Variants in ACTL6A observed in about 807,000 individuals in gnomAD.
ACTL6A encodes the protein actin like 6A.
In ACTL6A, 5 loss-of-function variants were observed where a neutral mutation model predicts 59.2. The ratio of observed to expected loss-of-function variants is 0.08; its 90% CI spans 0.04 to 0.18. The LOEUF (loss-of-function observed/expected upper bound fraction) is 0.18. ACTL6A is among the 10% of genes least tolerant of loss of function. ACTL6A has a pLI of 1.00. For missense variants in ACTL6A, 285 were observed against 526.9 expected, an observed-to-expected ratio of 0.54 and a Z score of 4.49; for synonymous variants, 154 against 171.8, an observed-to-expected ratio of 0.90 and a Z score of 0.81.
At chr3:179,572,891 C>T (rs1429547551) in intron 3 of ACTL6A, among the ~76,000 whole-genome samples, 1 of 151,914 alleles carries the variant, frequency 6.6e-6, no homozygotes, top group Non-Finnish European at 1.5e-5. Flanking sequence ...AAGACAGATG[C>T]TCTTCTTTGA....
At chr3:179,581,043 T>C (rs746735466) in intron 10 of ACTL6A, 35 bp downstream of exon 10, 6 of 1,594,740 alleles carry the variant, frequency 3.8e-6, no homozygotes, top group Non-Finnish European at 5.1e-6. Context: ...GCCTGGCTTT[T>C]CCTATATAGG....
intron 1 of ACTL6A, among the ~76,000 whole-genome samples, chr3:179,567,472 C>T (rs4284980): frequency 6.6e-6 from 1 of 152,026 alleles, no homozygotes; most frequent in African/African-American, 2.4e-5. Flanking sequence ...AATTTTAGGG[C>T]GACACAATTC....
At chr3:179,587,105 A>T (rs1718518943) in intron 13 of ACTL6A, among the ~76,000 whole-genome samples, 1 of 152,106 alleles carries the variant, frequency 6.6e-6, no homozygotes, top group South Asian at 2.1e-4. Flanking sequence ...AAGGACAAAA[A>T]GTCCTTGTAC....
chr3:179,570,382 C>G lies in ACTL6A; in HGVS notation c.277+141C>G. The G allele has an allele frequency of 1.4e-6, 1 of 733,790 alleles. No individual in the cohort carries two copies. Among genetic ancestry groups the G allele is most frequent in the Non-Finnish European group, 2.1e-6 (1 of 475,778 alleles). 45.5% of individuals were successfully genotyped at this position (733,790 alleles called of 1,614,324 possible). On this transcript the variant is annotated intron_variant, in intron 3 of 13. Transcript: ENST00000429709. The surrounding 1 kb of genome is among the most constrained non-coding windows in gnomAD (Gnocchi z 4.3). ...TTTATTCCACAAACTGATTTCCAGA[C>G]ACTGAGAATACAAAGATGCATAAGA...
chr3:179,584,562 A>G (rs1718427345), intron 12 of ACTL6A, among the ~76,000 whole-genome samples: 1 of 151,766 alleles, frequency 6.6e-6, no homozygotes, highest in Admixed American at 6.6e-5. Context: ...TGGAGGTTGC[A>G]GTGAACTGAG....
In ACTL6A at chr3:179,576,354, C is replaced by T. The variant is rs543773000; in HGVS notation, c.571+43C>T. ...GGATACACTGAGATGATTTTAGATG[C>T]CATGAGGATGCACATAATGAAATAA... On this transcript the variant is annotated intron_variant, in intron 6 of 13. Transcript: ENST00000429709. The T allele has an allele frequency of 6.2e-5, 85 of 1,377,896 alleles. 1 individual carries two copies. The South Asian group carries it at 1.1e-3, about 17-fold the overall frequency. 85.4% of individuals were successfully genotyped at this position (1,377,896 alleles called of 1,614,324 possible). A position where few individuals can be genotyped will look rare whatever the true frequency, so the allele number is the denominator to read the frequency against.
chr3:179,579,652 G>A (rs1186224824), intron 8 of ACTL6A, among the ~76,000 whole-genome samples: 1 of 152,182 alleles, frequency 6.6e-6, no homozygotes, highest in African/African-American at 2.4e-5. Context: ...GCTGGGTTTG[G>A]TGCTGAGCAC....
In ACTL6A at chr3:179,563,111, G is replaced by T; in HGVS notation, c.19G>T (p.Gly7Trp). The change falls in exon 1 of 14, where the codon GGG becomes TGG. Residue 7 changes from glycine (G) to tryptophan (W), a missense_variant. Coordinates refer to ENST00000429709, the MANE Select transcript of ACTL6A (RefSeq NM_004301.5). ...AGCAGCCATGAGCGGCGGCGTGTACGGGGGAGGTGAGTGAGTGCGGCCGGA... is the reference window on the plus strand; with the variant it reads ...AGCAGCCATGAGCGGCGGCGTGTACTGGGGAGGTGAGTGAGTGCGGCCGGA... MSGGVY[G>W]GDEVGALVFD... 6.2e-7 allele frequency: 1 copy of T among 1,612,426 alleles called. No homozygotes were observed.
chr3:179,582,614 G>C (rs765902208), intron 11 of ACTL6A, among the ~76,000 whole-genome samples: 10 of 152,098 alleles, frequency 6.6e-5, no homozygotes, highest in Non-Finnish European at 1.3e-4. Flanking sequence ...TTACAGATAA[G>C]CATTCTTTTT....
intron 8 of ACTL6A, among the ~76,000 whole-genome samples, chr3:179,577,514 CA>C (rs1718203299): frequency 6.6e-6 from 1 of 151,992 alleles, no homozygotes; most frequent in South Asian, 2.1e-4. Flanking sequence ...ACTTTAGGTT[CA>C]GGGGTACATG....
Position 179,583,338 on chromosome 3 carries a change from G to T in ACTL6A, c.1027-15G>T, listed in dbSNP as rs753888447. On this transcript the variant is annotated splice_polypyrimidine_tract_variant and intron_variant, in intron 11 of 13. Transcript: ENST00000429709. The stretch of plus-strand genomic sequence containing the variant: ...CATATGGAACTAATTGATTTTTCTT[G>T]TATTTTTATCCTAGGGTCTCTATGG... 3.1e-6 allele frequency: 5 copies of T among 1,587,580 alleles called. No individual in the cohort carries two copies. The highest frequency in any genetic ancestry group is 3.4e-6 in the Non-Finnish European group (4 of 1,160,740).
chr3:179,576,431 T>A lies in ACTL6A; in HGVS notation c.571+120T>A, dbSNP rs563546818. The A allele has an allele frequency of 6.8e-5, 59 of 871,582 alleles. No individual in the cohort carries two copies. In the Admixed American group the frequency reaches 1.5e-3, roughly 22 times the overall value. The allele number at this position is 871,582 out of a possible 1,614,324, so 54.0% of individuals were successfully genotyped here. ...ATCAGTTTCTGAATAAGATTTTTTTTAAGTATGTTAAAAATCTTTAGTATA... is the reference window on the plus strand; with the variant it reads ...ATCAGTTTCTGAATAAGATTTTTTTAAAGTATGTTAAAAATCTTTAGTATA... On this transcript the variant is annotated intron_variant, in intron 6 of 13. Transcript: ENST00000429709.
intron 3 of ACTL6A, among the ~76,000 whole-genome samples, chr3:179,573,030 A>T (rs1288062628): frequency 1.3e-5 from 2 of 148,854 alleles, no homozygotes. Flanking sequence ...TCAGAAGGCC[A>T]TACAATTCTT....
At chr3:179,578,182 C>T (rs1718227063) in intron 8 of ACTL6A, among the ~76,000 whole-genome samples, 1 of 152,096 alleles carries the variant, frequency 6.6e-6, no homozygotes, top group Admixed American at 6.6e-5. Flanking sequence ...GGGCCGGGTG[C>T]AGTGGCTCAC....
At chr3:179,582,598 C>CCTAACTTA (rs1388369812) in intron 11 of ACTL6A, among the ~76,000 whole-genome samples, 2 of 152,058 alleles carry the variant, frequency 1.3e-5, no homozygotes, top group African/African-American at 4.8e-5. Context: ...TTTTGAATAT[C>CCTAACTTA]CTAACTTACA....
chr3:179,585,398 G>A (rs1250413238), intron 12 of ACTL6A, among the ~76,000 whole-genome samples: 2 of 152,142 alleles, frequency 1.3e-5, no homozygotes, highest in East Asian at 3.8e-4. Flanking sequence ...CACTGCACCG[G>A]TCTATAATAC....
At chr3:179,571,992 T>C (rs1450750564) in intron 3 of ACTL6A, among the ~76,000 whole-genome samples, 1 of 147,518 alleles carries the variant, frequency 6.8e-6, no homozygotes, top group Non-Finnish European at 1.5e-5. Flanking sequence ...CTTTCATGTG[T>C]AGTAAGTAAA....
chr3:179,563,202 C>G (rs1717719051), intron 1 of ACTL6A, 85 bp downstream of exon 1: 1 of 1,522,524 alleles, frequency 6.6e-7, no homozygotes, highest in Non-Finnish European at 8.8e-7. Flanking sequence ...CCCTCCCCGG[C>G]GTTCCCTTCC....
At chr3:179,563,724 C>A (rs1381180387) in intron 1 of ACTL6A, among the ~76,000 whole-genome samples, 1 of 152,216 alleles carries the variant, frequency 6.6e-6, no homozygotes, top group Non-Finnish European at 1.5e-5. Flanking sequence ...GCTGCGGAGT[C>A]TCCAGAGTGA....
Sources: gnomAD v4.1 joint callset for allele counts (sites outside exome capture counted in the v4.1 genomes callset) on GRCh38, gnomAD v4.1.1 for gene constraint, Gnocchi (gnomAD v3.1) non-coding constraint, MANE v1.5 for transcripts, NCBI Gene and HGNC (gene_info 2026-07-23, HGNC 2026-07-21) for gene names.